Variants in PARD3B observed in about 807,000 individuals in gnomAD.
The protein encoded by PARD3B is partitioning defective 3 homolog B.
A neutral mutation model predicts 130.2 loss-of-function variants in PARD3B; 103 were observed. That is an observed-to-expected ratio of 0.79 (90% CI 0.67 to 0.93). PARD3B has a LOEUF of 0.93. Ranked by LOEUF, PARD3B falls within the 40% of genes least tolerant of loss-of-function variation. The pLI, the probability that PARD3B is intolerant of heterozygous loss-of-function variation, is 0.00. For missense variants in PARD3B, 1,609 were observed against 1,499.2 expected (o/e 1.07, Z -1.21); for synonymous variants, 583 against 553.2 (o/e 1.05, Z -0.76).
chr2:205,526,806 A>AT (rs2051359466), intron 21 of PARD3B, among the ~76,000 whole-genome samples: 1 of 152,216 alleles, frequency 6.6e-6, no homozygotes, highest in African/African-American at 2.4e-5. Context: ...CCAAAGCACA[A>AT]TTTTATTGCC....
chr2:204,824,259 TGGAGA>T (rs547059518), intron 2 of PARD3B, among the ~76,000 whole-genome samples: 208 of 152,284 alleles, frequency 1.4e-3, no homozygotes, highest in Non-Finnish European at 2.3e-3. Flanking sequence ...ACAAGTACAC[TGGAGA>T]GGAGAGGAGA....
intron 2 of PARD3B, among the ~76,000 whole-genome samples, chr2:204,838,349 A>ATGTGTGTGTGTGTGTGTGTGTGTGTG (rs55688873): frequency 1.5e-5 from 2 of 135,430 alleles, no homozygotes; most frequent in African/African-American, 5.4e-5. Flanking sequence ...TACCTGGCTA[A>ATGTGTGTGTGTGTGTGTGTGTGTGTG]TGTGTGTGTG....
Position 204,677,326 on chromosome 2 carries a change from T to C in PARD3B, c.121-8855T>C, listed in dbSNP as rs1259061541. Among the ~76,000 whole-genome samples the C allele has an allele frequency of 6.6e-6, 1 of 152,204 alleles. No homozygotes were observed. Among genetic ancestry groups the C allele is most frequent in the Non-Finnish European group, 1.5e-5 (1 of 68,040 alleles). On this transcript the variant is annotated intron_variant, in intron 1 of 22. Transcript: ENST00000406610. The surrounding 1 kb of genome is among the most constrained non-coding windows in gnomAD (Gnocchi z 4.1). ...TTCAGAGGACGTATGTTCACTTCCA[T>C]TGTGGTGTCTCCCTAAGGGATTTTT...
intron 2 of PARD3B, among the ~76,000 whole-genome samples, chr2:204,902,320 G>C (rs1006753087): frequency 2.0e-5 from 3 of 152,088 alleles, no homozygotes; most frequent in Non-Finnish European, 4.4e-5. Context: ...TAAAATATGG[G>C]TTATAAGCAT....
intron 1 of PARD3B, among the ~76,000 whole-genome samples, chr2:204,551,448 T>C (rs181286545): frequency 3.3e-5 from 5 of 152,296 alleles, no homozygotes; most frequent in Non-Finnish European, 7.4e-5. Context: ...CTGTTTTTAC[T>C]CTGTGCTTAT....
At chr2:205,432,630 T>G (rs1009866545) in intron 19 of PARD3B, among the ~76,000 whole-genome samples, 3 of 152,202 alleles carry the variant, frequency 2.0e-5, no homozygotes, top group East Asian at 3.8e-4. Context: ...TTTTCAGTAG[T>G]GCCTTTCCTT....
chr2:205,585,124 C>A lies in PARD3B; in HGVS notation c.3261-30332C>A, dbSNP rs1250487947. Among the ~76,000 whole-genome samples, 2 of 152,156 alleles carry A rather than the reference C, an allele frequency of 1.3e-5. No individual in the cohort carries two copies. The highest frequency in any genetic ancestry group is 2.4e-5 in the African/African-American group (1 of 41,424). ...AAATAGATCCTTCGTAACCCCACAGCCTTGGAATGATTGCTCACTCCTTTC... is the reference window on the plus strand; with the variant it reads ...AAATAGATCCTTCGTAACCCCACAGACTTGGAATGATTGCTCACTCCTTTC... On this transcript the variant is annotated intron_variant, in intron 22 of 22. Coordinates refer to ENST00000406610, the MANE Select transcript of PARD3B (RefSeq NM_001302769.2). The surrounding 1 kb of genome is among the most constrained non-coding windows in gnomAD (Gnocchi z 5.4).
intron 2 of PARD3B, among the ~76,000 whole-genome samples, chr2:204,747,343 A>G (rs1017612318): frequency 5.3e-5 from 8 of 152,148 alleles, no homozygotes; most frequent in Non-Finnish European, 1.2e-4. Context: ...TGCTTCAAAG[A>G]GAATAAAATA....
chr2:204,722,915 A>T (rs1165149097), intron 2 of PARD3B, among the ~76,000 whole-genome samples: 2 of 152,128 alleles, frequency 1.3e-5, no homozygotes, highest in Non-Finnish European at 2.9e-5. Context: ...ATGGTGAGTC[A>T]AGGCCAGCTG....
intron 2 of PARD3B, among the ~76,000 whole-genome samples, chr2:204,781,622 C>A (rs758694191): frequency 6.6e-6 from 1 of 151,992 alleles, no homozygotes; most frequent in Non-Finnish European, 1.5e-5. Context: ...CATTGTTGAG[C>A]TTTTACTAAA....
chr2:205,459,960 T>A (rs1199765554), intron 20 of PARD3B, among the ~76,000 whole-genome samples: 1 of 152,186 alleles, frequency 6.6e-6, no homozygotes, highest in East Asian at 1.9e-4. Flanking sequence ...TGGTGAAAGA[T>A]GGCATGGATC....
At chr2:205,057,517 GCATGTGTATA>G (rs1559397091) in intron 4 of PARD3B, among the ~76,000 whole-genome samples, 2 of 140,216 alleles carry the variant, frequency 1.4e-5, no homozygotes, top group East Asian at 4.1e-4. Context: ...ATGTGTATGT[GCATGTGTATA>G]TATACATATA....
chr2:205,075,286 C>A (rs1308687218), intron 4 of PARD3B, among the ~76,000 whole-genome samples: 1 of 152,068 alleles, frequency 6.6e-6, no homozygotes, highest in Non-Finnish European at 1.5e-5. Flanking sequence ...ATAATGTTTT[C>A]TTCCTTAAAT....
At chr2:204,911,514 C>T (rs1009907393) in intron 2 of PARD3B, among the ~76,000 whole-genome samples, 1 of 152,168 alleles carries the variant, frequency 6.6e-6, no homozygotes, top group Non-Finnish European at 1.5e-5. Context: ...GAAAAATTTT[C>T]TATTGTAAAT....
chr2:205,263,597 T>G lies in PARD3B; in HGVS notation c.2185+17775T>G, dbSNP rs1455254340. ...TCTGACATGGTTCACAGATCTTAAA[T>G]GTGAGCACTAAAACTATAAAACTTC... On this transcript the variant is annotated intron_variant, in intron 16 of 22. Coordinates refer to ENST00000406610, the MANE Select transcript of PARD3B (RefSeq NM_001302769.2). This position sits in a 1 kb window ranked among gnomAD's most constrained non-coding sequence, Gnocchi z 4.0. Among the ~76,000 whole-genome samples the G allele has an allele frequency of 1.3e-5, 2 of 151,026 alleles. No individual in the cohort carries two copies. The highest frequency in any genetic ancestry group is 3.0e-5 in the Non-Finnish European group (2 of 67,618).
rs552486679 is a variant in PARD3B at position 204,835,884 on chromosome 2, A to C, written c.223-129268A>C. ...AAGCATGTTTAGGCTAGGCTAGGCT[A>C]GGCTAAGCTATGGCGTGTTCTGTAT... On this transcript the variant is annotated intron_variant, in intron 2 of 22. Transcript: ENST00000406610. Among the ~76,000 whole-genome samples the C allele has an allele frequency of 5.9e-5, 9 of 152,370 alleles. No individual in the cohort carries two copies. The East Asian group carries it at 1.7e-3, about 29-fold the overall frequency.
chr2:205,141,972 C>G (rs2032994554), intron 10 of PARD3B, among the ~76,000 whole-genome samples: 1 of 152,076 alleles, frequency 6.6e-6, no homozygotes, highest in East Asian at 1.9e-4. Flanking sequence ...AAATATGTAC[C>G]ATACACTTGT....
chr2:205,168,288 GGAGAGAGAGA>G (rs761018109), intron 11 of PARD3B, among the ~76,000 whole-genome samples: 8 of 126,844 alleles, frequency 6.3e-5, no homozygotes, highest in African/African-American at 1.3e-4. Context: ...GGTGAGAAAG[GGAGAGAGAGA>G]GAGAGAGAGA....
At chr2:205,368,559 G>A (rs1350328973) in intron 18 of PARD3B, among the ~76,000 whole-genome samples, 2 of 152,104 alleles carry the variant, frequency 1.3e-5, no homozygotes, top group Non-Finnish European at 2.9e-5. Context: ...TTGAACCCAG[G>A]AGGCAGCGTT....
Sources: allele counts gnomAD v4.1 joint callset (sites outside exome capture counted in the v4.1 genomes callset), GRCh38; gene constraint gnomAD v4.1.1; non-coding constraint Gnocchi (gnomAD v3.1); transcripts MANE v1.5; gene names NCBI Gene and HGNC (gene_info 2026-07-23, HGNC 2026-07-21).